Variants in CPS1 observed in about 807,000 individuals in gnomAD.
CPS1 encodes carbamoyl-phosphate synthase 1.
CPS1 carries 109 observed loss-of-function variants against 174.6 expected under a neutral mutation model. That is an observed-to-expected ratio of 0.62 (90% CI 0.53 to 0.73). CPS1 has a LOEUF of 0.73. Among genes scored for constraint, CPS1 ranks in the 30% least tolerant of loss-of-function variants. The pLI is 0.00. For missense variants in CPS1, 1,689 were observed against 1,821.9 expected, an observed-to-expected ratio of 0.93 and a Z score of 1.33; for synonymous variants, 637 against 632.0, an observed-to-expected ratio of 1.01 and a Z score of -0.12.
chr2:210,628,644 A>G (rs1007694834), intron 21 of CPS1, among the ~76,000 whole-genome samples: 1 of 152,136 alleles, frequency 6.6e-6, no homozygotes, highest in Non-Finnish European at 1.5e-5. Context: ...TACTAAAAAT[A>G]CAAAAATTAG....
At chr2:210,563,383 G>T (rs1266881480) in intron 1 of CPS1, among the ~76,000 whole-genome samples, 1 of 152,028 alleles carries the variant, frequency 6.6e-6, no homozygotes, top group African/African-American at 2.4e-5. Flanking sequence ...GACATTTTAG[G>T]GCAATGCTGT....
chr2:210,627,053 C>A (rs898801352), intron 21 of CPS1, among the ~76,000 whole-genome samples: 5 of 152,070 alleles, frequency 3.3e-5, no homozygotes, highest in Admixed American at 6.6e-5. Context: ...GCTTCTTTTG[C>A]GAGATATGAC....
chr2:210,640,069 T>TA lies in CPS1; in HGVS notation c.2959+13dup, dbSNP rs750887307. 1 of 1,553,520 alleles carries TA rather than the reference T, an allele frequency of 6.4e-7. No homozygotes were observed. The highest frequency in any genetic ancestry group is 1.4e-5 in the African/African-American group (1 of 73,644). On this transcript the variant is annotated intron_variant, in intron 24 of 37. Transcript: ENST00000233072. Reference sequence around the variant, plus strand: ...GGTCCATATCACATTGGTAAAATAATAAATTATGTGTATATAGGACTTTAC... The same window carrying TA: ...GGTCCATATCACATTGGTAAAATAATAAAATTATGTGTATATAGGACTTTAC...
At chr2:210,657,126 C>G (rs1249494668) in intron 30 of CPS1, among the ~76,000 whole-genome samples, 1 of 152,082 alleles carries the variant, frequency 6.6e-6, no homozygotes, top group Admixed American at 6.5e-5. Context: ...AGGTGTGGAC[C>G]AGTCACTTGA....
At chr2:210,664,614 C>G (rs911293419) in intron 33 of CPS1, among the ~76,000 whole-genome samples, 2 of 152,074 alleles carry the variant, frequency 1.3e-5, no homozygotes, top group African/African-American at 4.8e-5. Context: ...CGCAGCCGGC[C>G]CATGCTGTTT....
intron 13 of CPS1, among the ~76,000 whole-genome samples, chr2:210,597,694 A>G (rs1698535829): frequency 6.6e-6 from 1 of 151,844 alleles, no homozygotes. Context: ...GCTGTATGTT[A>G]TAATAATTAT....
intron 19 of CPS1, among the ~76,000 whole-genome samples, chr2:210,611,556 A>C (rs1372485310): frequency 2.0e-5 from 3 of 151,922 alleles, no homozygotes; most frequent in African/African-American, 7.2e-5. Flanking sequence ...AATTTGTCAC[A>C]GAAAGTTTAG....
intron 1 of CPS1, among the ~76,000 whole-genome samples, chr2:210,507,043 C>A (rs1397271192): frequency 6.6e-6 from 1 of 152,156 alleles, no homozygotes; most frequent in Non-Finnish European, 1.5e-5. Flanking sequence ...AAAGATACTC[C>A]TCAAGAAGAG....
At chr2:210,491,214 T>C (rs984051316) in intron 1 of CPS1, among the ~76,000 whole-genome samples, 9 of 152,068 alleles carry the variant, frequency 5.9e-5, no homozygotes, top group African/African-American at 2.2e-4. Context: ...TAGGATGATG[T>C]AATTACTGCC....
At chr2:210,576,236 G>T in intron 2 of CPS1, 110 bp from the exon 3 acceptor site, 1 of 1,192,928 alleles carries the variant, frequency 8.4e-7, no homozygotes. Flanking sequence ...AGACATTCTT[G>T]TTGGATTCTT....
At chr2:210,554,903 G>A (rs901541351), upstream of CPS1, among the ~76,000 whole-genome samples, 1 of 151,092 alleles carries the variant, frequency 6.6e-6, no homozygotes, top group Non-Finnish European at 1.5e-5. Context: ...GCGTAAACTA[G>A]TATTGGACTA....
rs1034733261 is a variant in CPS1 at position 210,590,123 on chromosome 2, C to G, written c.729C>G (p.His243Gln). 107 of 1,612,800 alleles carry G rather than the reference C, an allele frequency of 6.6e-5. No homozygotes were observed. The highest frequency in any genetic ancestry group is 5.0e-4 in the Middle Eastern group (3 of 6,052). The part of the protein sequence containing the change: ...RLLVKRGAEV[H>Q]LVPWNHDFTK... ...TTTTCCAGCGAGGAGCTGAAGTGCA[C>G]TTAGTTCCCTGGAACCATGATTTCA... is the stretch of plus-strand genomic sequence containing the variant. The change falls in exon 8 of 38, where the codon CAC becomes CAG. Residue 243 changes from histidine to glutamine, a missense_variant. By Grantham distance (24) the His-to-Gln change is conservative. Coordinates refer to ENST00000233072, the MANE Select transcript of CPS1 (RefSeq NM_001875.5).
At position 210,664,155 on chromosome 2, in the gene CPS1, CA is replaced by C. The variant is rs202140274; in HGVS notation, c.4002+966del. On this transcript the variant is annotated intron_variant, in intron 33 of 37. Coordinates refer to ENST00000233072, the MANE Select transcript of CPS1 (RefSeq NM_001875.5). ...TTTGTTGCTTCTTTTAATTTAAGGG[CA>C]AAAAAAACCTTACTTTTAAATGAAG... 4.8e-3 allele frequency among the ~76,000 whole-genome samples: 729 copies of C among 150,982 alleles called. 7 individuals carry two copies. The highest frequency in any genetic ancestry group is 0.017 in the African/African-American group (680 of 41,200).
intron 25 of CPS1, 149 bp downstream of exon 25, chr2:210,642,814 G>A: frequency 1.3e-6 from 1 of 753,560 alleles, no homozygotes; most frequent in Non-Finnish European, 2.1e-6. Context: ...TTATTTTGTA[G>A]TAAAACTCTA....
chr2:210,501,388 A>T (rs1208989844), intron 1 of CPS1, among the ~76,000 whole-genome samples: 1 of 152,148 alleles, frequency 6.6e-6, no homozygotes, highest in Non-Finnish European at 1.5e-5. Flanking sequence ...AAATTTTCCA[A>T]ACTTTTATGC....
chr2:210,572,384 T>G (rs1697530244), intron 1 of CPS1, among the ~76,000 whole-genome samples: 2 of 152,048 alleles, frequency 1.3e-5, no homozygotes, highest in African/African-American at 4.8e-5. Flanking sequence ...CTATAGAGTT[T>G]CTTAGAGAAT....
chr2:210,545,804 A>G (rs1696549276), intron 1 of CPS1, among the ~76,000 whole-genome samples: 1 of 152,068 alleles, frequency 6.6e-6, no homozygotes, highest in Admixed American at 6.6e-5. Flanking sequence ...GCTGGGAAAA[A>G]AAGTGTAATT....
chr2:210,619,512 TATG>T (rs1210169049), intron 21 of CPS1: 1 of 152,142 alleles, frequency 6.6e-6, no homozygotes, highest in African/African-American at 2.4e-5. Context: ...GATATGTAGA[TATG>T]ATAGTTAAAT....
intron 20 of CPS1, among the ~76,000 whole-genome samples, chr2:210,612,551 G>C (rs192793502): frequency 1.3e-5 from 2 of 151,950 alleles, no homozygotes; most frequent in East Asian, 3.9e-4. Flanking sequence ...TGATTAAATA[G>C]ATAAAATGTC....
Sources: gnomAD v4.1 joint callset for allele counts (sites outside exome capture counted in the v4.1 genomes callset) on GRCh38, gnomAD v4.1.1 for gene constraint, MANE v1.5 for transcripts, NCBI Gene and HGNC (gene_info 2026-07-23, HGNC 2026-07-21) for gene names.